CCDC91: variants seen among roughly 807,000 people sequenced by gnomAD.
The protein encoded by CCDC91 is coiled-coil domain containing 91.
A neutral mutation model predicts 63.2 loss-of-function variants in CCDC91; 48 were observed. The ratio of observed to expected loss-of-function variants is 0.76; its 90% CI spans 0.60 to 0.97. CCDC91 has a LOEUF of 0.97. Among genes scored for constraint, CCDC91 ranks in the 50% least tolerant of loss-of-function variants. The probability of loss-of-function intolerance (pLI) is 0.00; values close to 1 mark genes in which losing one functional copy is unlikely to be tolerated. For synonymous variants in CCDC91, 167 were observed against 165.8 expected (o/e 1.01, Z -0.06); for missense variants, 500 against 494.6 (o/e 1.01, Z -0.10).
At chr12:28,336,777 C>T (rs564910864) in intron 6 of CCDC91, among the ~76,000 whole-genome samples, 64 of 152,134 alleles carry the variant, frequency 4.2e-4, no homozygotes, top group African/African-American at 1.5e-3. Context: ...CTATCTGCCC[C>T]TAATGTAATA....
chr12:28,546,645 T>G (rs1476281752), intron 12 of CCDC91, among the ~76,000 whole-genome samples: 1 of 152,118 alleles, frequency 6.6e-6, no homozygotes, highest in African/African-American at 2.4e-5. Context: ...CCAAATATTA[T>G]GAACAATCTT....
At chr12:28,367,075 C>T (rs1944324185) in intron 7 of CCDC91, among the ~76,000 whole-genome samples, 2 of 152,138 alleles carry the variant, frequency 1.3e-5, no homozygotes. Flanking sequence ...ATATAATACT[C>T]ATATCAGGAA....
intron 12 of CCDC91, among the ~76,000 whole-genome samples, chr12:28,535,985 C>G (rs1161223923): frequency 6.7e-6 from 1 of 150,358 alleles, no homozygotes; most frequent in East Asian, 2.0e-4. Context: ...GCCGAGATAG[C>G]ACCACTGCAT....
chr12:28,377,896 T>C (rs79620373), intron 7 of CCDC91, among the ~76,000 whole-genome samples: 1 of 152,034 alleles, frequency 6.6e-6, no homozygotes, highest in Non-Finnish European at 1.5e-5. Flanking sequence ...TGCTGGTCAC[T>C]TGAATAGTAC....
At chr12:28,503,353 A>C (rs1938228058) in intron 12 of CCDC91, among the ~76,000 whole-genome samples, 1 of 152,248 alleles carries the variant, frequency 6.6e-6, no homozygotes, top group Admixed American at 6.5e-5. Context: ...ATCACTGGCC[A>C]TCAGAGAAAT....
At chr12:28,257,673 GGTTATAAA>G (rs1946540825) in intron 2 of CCDC91, among the ~76,000 whole-genome samples, 1 of 152,012 alleles carries the variant, frequency 6.6e-6, no homozygotes, top group Non-Finnish European at 1.5e-5. Context: ...GCCTTTTGGT[GGTTATAAA>G]GTTAATTAGT....
chr12:28,405,728 G>A (rs1250025986), intron 8 of CCDC91, among the ~76,000 whole-genome samples: 2 of 152,186 alleles, frequency 1.3e-5, no homozygotes, highest in East Asian at 1.9e-4. Flanking sequence ...CTGTATTTTG[G>A]TTTTGTTGGC....
At chr12:28,290,889 A>C (rs1430042671) in intron 3 of CCDC91, among the ~76,000 whole-genome samples, 1 of 152,028 alleles carries the variant, frequency 6.6e-6, no homozygotes, top group African/African-American at 2.4e-5. Context: ...TTTTTTGTAA[A>C]TTTTAGTTTT....
chr12:28,401,618 A>G (rs1946627748), intron 8 of CCDC91, among the ~76,000 whole-genome samples: 1 of 152,162 alleles, frequency 6.6e-6, no homozygotes, highest in Non-Finnish European at 1.5e-5. Context: ...AGAACTCACT[A>G]TCAGGAGAAC....
chr12:28,340,253 GT>G (rs1471717485), intron 6 of CCDC91, among the ~76,000 whole-genome samples: 2 of 152,118 alleles, frequency 1.3e-5, no homozygotes, highest in Non-Finnish European at 2.9e-5. Flanking sequence ...GAATGACATT[GT>G]TTTATCATTT....
At chr12:28,235,801 A>T (rs1284931750) in intron 1 of CCDC91, among the ~76,000 whole-genome samples, 1 of 146,158 alleles carries the variant, frequency 6.8e-6, no homozygotes, top group Non-Finnish European at 1.5e-5. Flanking sequence ...ATTTATAAGT[A>T]TTTTTTTTTT....
chr12:28,510,534 A>G (rs1208964747), intron 12 of CCDC91, among the ~76,000 whole-genome samples: 1 of 151,900 alleles, frequency 6.6e-6, no homozygotes, highest in African/African-American at 2.4e-5. Context: ...CAGGTCTTCA[A>G]TCAATTAGAT....
At chr12:28,517,827 A>AT (rs1940125363) in intron 12 of CCDC91, among the ~76,000 whole-genome samples, 1 of 151,804 alleles carries the variant, frequency 6.6e-6, no homozygotes, top group African/African-American at 2.4e-5. Flanking sequence ...CCACTGTGTC[A>AT]TTTTTATGCC....
chr12:28,314,815 T>C (rs1939675614), intron 6 of CCDC91, among the ~76,000 whole-genome samples: 1 of 151,984 alleles, frequency 6.6e-6, no homozygotes, highest in Admixed American at 6.6e-5. Flanking sequence ...TGTTGGGAAA[T>C]GTATGTATTT....
intron 1 of CCDC91, chr12:28,198,909 A>T: frequency 6.7e-6 from 1 of 148,256 alleles, no homozygotes; most frequent in African/African-American, 2.5e-5. Flanking sequence ...TACCATTTTA[A>T]TTTCCTTGAT....
intron 7 of CCDC91, among the ~76,000 whole-genome samples, chr12:28,385,555 G>A (rs1379897401): frequency 6.6e-6 from 1 of 152,100 alleles, no homozygotes; most frequent in Non-Finnish European, 1.5e-5. Flanking sequence ...CATTTGTAAA[G>A]TATGACTTAA....
Position 28,237,176 on chromosome 12 carries a change from G to T in CCDC91, c.-14-20026G>T, listed in dbSNP as rs1272251168. ...ACTCTAAATATATCCCTCACTAATA[G>T]TTATGTTTAATTTCTCCCATCCATT... is the stretch of plus-strand genomic sequence containing the variant. On this transcript the variant is annotated intron_variant, in intron 1 of 12. Transcript: ENST00000536442. Among the ~76,000 whole-genome samples, 3 of 148,914 alleles carry T rather than the reference G, an allele frequency of 2.0e-5. No individual in the cohort carries two copies. In the East Asian group the frequency reaches 6.1e-4, roughly 30 times the overall value.
intron 6 of CCDC91, among the ~76,000 whole-genome samples, chr12:28,351,770 ATTC>A (rs1396021857): frequency 6.6e-6 from 1 of 151,514 alleles, no homozygotes; most frequent in Non-Finnish European, 1.5e-5. Context: ...TCTGACAGTC[ATTC>A]TTCATTTCAT....
At chr12:28,375,523 G>A (rs1385705349) in intron 7 of CCDC91, among the ~76,000 whole-genome samples, 3 of 151,872 alleles carry the variant, frequency 2.0e-5, no homozygotes, top group Non-Finnish European at 4.4e-5. Context: ...TGATGAAAAG[G>A]ACGTGAAATT....
Sources: allele counts gnomAD v4.1 joint callset (sites outside exome capture counted in the v4.1 genomes callset), GRCh38; gene constraint gnomAD v4.1.1; transcripts MANE v1.5; gene names NCBI Gene and HGNC (gene_info 2026-07-23, HGNC 2026-07-21).